The following WWOX variants were observed in gnomAD, a reference collection of about 807,000 sequenced individuals.
WWOX encodes WW domain-containing oxidoreductase.
WWOX carries 69 observed loss-of-function variants against 46.2 expected under a neutral mutation model. The observed-to-expected ratio is 1.49, with a 90% CI of 1.23 to 1.82. The LOEUF is 1.82. Ranked by LOEUF, WWOX falls within the 40% of genes most tolerant of loss-of-function variation. The pLI is 0.00. For synonymous variants in WWOX, 359 were observed against 202.6 expected (o/e 1.77, Z -6.56); for missense variants, 919 against 542.6 (o/e 1.69, Z -6.89).
At chr16:78,460,722 A>G (rs2083928723) in intron 8 of WWOX, among the ~76,000 whole-genome samples, 1 of 152,198 alleles carries the variant, frequency 6.6e-6, no homozygotes, top group Non-Finnish European at 1.5e-5. Flanking sequence ...TAAACATGAC[A>G]TTCGATCCAC....
chr16:78,353,513 A>T (rs9922852), intron 5 of WWOX, among the ~76,000 whole-genome samples: 107,060 of 151,926 alleles, frequency 0.7, 38,561 homozygotes, highest in African/African-American at 0.76. Context: ...CTTCTCCTCT[A>T]GCCAGTTGGG....
intron 8 of WWOX, chr16:78,996,111 C>G (rs2046982415): frequency 1.3e-6 from 1 of 766,036 alleles, no homozygotes; most frequent in Middle Eastern, 6.6e-4. Context: ...GTGGCCCCTT[C>G]CATGAAAGTC....
At chr16:78,717,618 A>C (rs2048594158) in intron 8 of WWOX, among the ~76,000 whole-genome samples, 1 of 152,094 alleles carries the variant, frequency 6.6e-6, no homozygotes, top group Admixed American at 6.6e-5. Context: ...AATGAATAGG[A>C]GTTTCCCCAG....
chr16:78,315,127 C>G (rs1246783464), intron 5 of WWOX, among the ~76,000 whole-genome samples: 1 of 152,150 alleles, frequency 6.6e-6, no homozygotes, highest in Non-Finnish European at 1.5e-5. Context: ...TTTCTTCTGT[C>G]TGCTATAGAA....
chr16:78,389,664 G>T lies in WWOX; in HGVS notation c.605+2716G>T, dbSNP rs183900524. Among the ~76,000 whole-genome samples, 5 of 152,244 alleles carry T rather than the reference G, an allele frequency of 3.3e-5. No homozygotes were observed. In the South Asian group the frequency reaches 8.3e-4, roughly 25 times the overall value. ...AGAGAGGATATATAATTTATCCAAG[G>T]CATGTGGAATGTGGGTAGAGGGGCC... is the stretch of plus-strand genomic sequence containing the variant. On this transcript the variant is annotated intron_variant, in intron 6 of 8. Transcript: ENST00000566780.
intron 8 of WWOX, among the ~76,000 whole-genome samples, chr16:78,767,819 C>G (rs538568929): frequency 1.3e-5 from 2 of 152,134 alleles, no homozygotes; most frequent in East Asian, 1.9e-4. Flanking sequence ...GTTAAGCGTA[C>G]TTTCACGTGC....
rs747448353 is a variant in WWOX, at chr16:78,934,337, C to CAAAAAAAAAAAAAAAAAAA, written c.1057-277257_1057-277256insAAAAAAAAAAAAAAAAAAA. The stretch of plus-strand genomic sequence containing the variant: ...TGGGCGACAGAGCAAGTCTCCGTCT[C>CAAAAAAAAAAAAAAAAAAA]AAAAAAAAAAAAAAGAAGAAACTTA... On this transcript the variant is annotated intron_variant, in intron 8 of 8. Transcript: ENST00000566780. Among the ~76,000 whole-genome samples the CAAAAAAAAAAAAAAAAAAA allele has an allele frequency of 2.2e-3, 173 of 78,176 alleles. 7 individuals are homozygous for CAAAAAAAAAAAAAAAAAAA. The highest frequency in any genetic ancestry group is 7.6e-3 in the African/African-American group (132 of 17,462). The allele number at this position is 78,176 out of a possible 152,430, so 51.3% of individuals were successfully genotyped here.
chr16:78,933,391 A>G (rs1390454406), intron 8 of WWOX, among the ~76,000 whole-genome samples: 3 of 152,234 alleles, frequency 2.0e-5, no homozygotes, highest in Non-Finnish European at 1.5e-5. Flanking sequence ...TTGAGCCAAG[A>G]TTGTGCCACT....
At chr16:78,546,853 C>G (rs369722856) in intron 8 of WWOX, among the ~76,000 whole-genome samples, 27 of 152,190 alleles carry the variant, frequency 1.8e-4, no homozygotes, top group African/African-American at 6.0e-4. Flanking sequence ...TGGGCCAGGC[C>G]CGGTGGCTCA....
At chr16:78,419,255 T>G (rs1456396736) in intron 6 of WWOX, among the ~76,000 whole-genome samples, 1 of 152,164 alleles carries the variant, frequency 6.6e-6, no homozygotes, top group African/African-American at 2.4e-5. Context: ...TATTAAAATT[T>G]CAGTTGACTT....
At chr16:78,218,789 A>T (rs17574299) in intron 5 of WWOX, among the ~76,000 whole-genome samples, 13 of 152,198 alleles carry the variant, frequency 8.5e-5, no homozygotes, top group Non-Finnish European at 1.6e-4. Flanking sequence ...TTCGGTGCGC[A>T]TGTAAGTTTA....
chr16:78,347,632 C>T (rs2081116320), intron 5 of WWOX, among the ~76,000 whole-genome samples: 2 of 121,500 alleles, frequency 1.6e-5, no homozygotes, highest in Admixed American at 1.6e-4. Flanking sequence ...TTGTGTTCTC[C>T]ATATTCCTTG....
intron 4 of WWOX, among the ~76,000 whole-genome samples, chr16:78,162,206 A>G (rs11649032): frequency 0.43 from 66,011 of 152,012 alleles, 14,396 homozygotes; most frequent in East Asian, 0.51. Flanking sequence ...TATTTTTCAA[A>G]AATATTTTCA....
intron 5 of WWOX, among the ~76,000 whole-genome samples, chr16:78,370,220 C>G (rs1298420490): frequency 6.6e-6 from 1 of 150,412 alleles, no homozygotes; most frequent in African/African-American, 2.4e-5. Context: ...TGTAAACTCT[C>G]TTTACAATCT....
At chr16:78,341,959 A>C (rs2081022907) in intron 5 of WWOX, among the ~76,000 whole-genome samples, 1 of 119,276 alleles carries the variant, frequency 8.4e-6, no homozygotes, top group South Asian at 2.5e-4. Flanking sequence ...CTACTTGGAA[A>C]AAAAAAATTA....
intron 5 of WWOX, among the ~76,000 whole-genome samples, chr16:78,359,434 G>T (rs555056518): frequency 2.0e-5 from 3 of 152,186 alleles, no homozygotes; most frequent in South Asian, 4.2e-4. Context: ...CCCCCAAATT[G>T]CTGTAAGGAG....
chr16:79,061,665 A>T (rs2048359762), intron 8 of WWOX, among the ~76,000 whole-genome samples: 1 of 152,198 alleles, frequency 6.6e-6, no homozygotes, highest in Admixed American at 6.5e-5. Flanking sequence ...AATGGGAGGA[A>T]AGAAAAAGAC....
chr16:79,163,699 G>C (rs115974719), intron 8 of WWOX, among the ~76,000 whole-genome samples: 3,789 of 151,582 alleles, frequency 0.025, 176 homozygotes, highest in African/African-American at 0.088. Context: ...TTTTGAGGCT[G>C]AGGCAGGAGA....
intron 8 of WWOX, among the ~76,000 whole-genome samples, chr16:79,104,520 C>T (rs775648279): frequency 6.6e-6 from 1 of 151,984 alleles, no homozygotes; most frequent in Admixed American, 6.6e-5. Context: ...CAGTAATTTC[C>T]GAGAAATATT....
Sources: allele counts gnomAD v4.1 joint callset (sites outside exome capture counted in the v4.1 genomes callset), GRCh38; gene constraint gnomAD v4.1.1; transcripts MANE v1.5; gene names NCBI Gene and HGNC (gene_info 2026-07-23, HGNC 2026-07-21).